DRC9: variants seen among roughly 807,000 people sequenced by gnomAD.
The protein encoded by DRC9 is dynein regulatory complex subunit 9.
At chr3:197,907,788 A>C in the DRC9 span, among the ~76,000 whole-genome samples, 46 of 139,286 alleles carry the variant, frequency 3.3e-4, no homozygotes, top group East Asian at 1.1e-3. Flanking sequence ...AACCCTTTCC[A>C]AGGCATCCTC....
chr3:197,918,771 C>T, the DRC9 span, among the ~76,000 whole-genome samples: 7 of 152,076 alleles, frequency 4.6e-5, no homozygotes, highest in Non-Finnish European at 1.0e-4. Flanking sequence ...TTAGCTTCTG[C>T]CCATGGTAAA....
the DRC9 span, among the ~76,000 whole-genome samples, chr3:197,915,320 G>T: frequency 1.3e-5 from 2 of 151,208 alleles, no homozygotes; most frequent in Non-Finnish European, 2.9e-5. Flanking sequence ...CTGAAAGAAA[G>T]CTCCGGAGGC....
At chr3:197,926,900 A>G in the DRC9 span, among the ~76,000 whole-genome samples, 5 of 152,150 alleles carry the variant, frequency 3.3e-5, no homozygotes, top group Non-Finnish European at 5.9e-5. Context: ...AAATCTTTGC[A>G]TGAATAATTC....
At chr3:197,949,985 C>A in the DRC9 span, 2 of 560,570 alleles carry the variant, frequency 3.6e-6, no homozygotes, top group South Asian at 9.0e-5. Context: ...ATTTTGCCTT[C>A]CCTTGTTCCC....
chr3:197,919,495 G>A, the DRC9 span, among the ~76,000 whole-genome samples: 18 of 152,278 alleles, frequency 1.2e-4, no homozygotes, highest in South Asian at 3.1e-3. Flanking sequence ...AACCTTCCTC[G>A]TGGTCAGGTC....
At chr3:197,933,988 A>G in the DRC9 span, among the ~76,000 whole-genome samples, 1 of 150,540 alleles carries the variant, frequency 6.6e-6, no homozygotes, top group Non-Finnish European at 1.5e-5. Flanking sequence ...AAAAAAAAAA[A>G]AAAAAAGAAG....
chr3:197,914,196 A>G, the DRC9 span, among the ~76,000 whole-genome samples: 5 of 152,354 alleles, frequency 3.3e-5, no homozygotes, highest in Non-Finnish European at 5.9e-5. Flanking sequence ...GCCAACAATC[A>G]TGAAGTGTAT....
chr3:197,891,016 CTA>C, the DRC9 span, among the ~76,000 whole-genome samples: 1 of 152,184 alleles, frequency 6.6e-6, no homozygotes, highest in African/African-American at 2.4e-5. Context: ...TAAAATATCT[CTA>C]TTTTTTTCTA....
At chr3:197,933,984 A>C in the DRC9 span, among the ~76,000 whole-genome samples, 1 of 150,156 alleles carries the variant, frequency 6.7e-6, no homozygotes, top group African/African-American at 2.4e-5. Flanking sequence ...CTAAAAAAAA[A>C]AAAAAAAAAA....
the DRC9 span, chr3:197,954,197 C>T: frequency 6.2e-7 from 1 of 1,601,658 alleles, no homozygotes; most frequent in Non-Finnish European, 8.5e-7. Flanking sequence ...AGACTAGGTT[C>T]AAGGTGTTGT....
chr3:197,907,143 C>G, the DRC9 span, among the ~76,000 whole-genome samples: 1 of 152,158 alleles, frequency 6.6e-6, no homozygotes. Flanking sequence ...TAGGGTCACA[C>G]CTGCCTATGT....
At chr3:197,920,947 T>C in the DRC9 span, among the ~76,000 whole-genome samples, 1 of 152,260 alleles carries the variant, frequency 6.6e-6, no homozygotes, top group Non-Finnish European at 1.5e-5. Flanking sequence ...GTTGGCATCA[T>C]TTTCTGACCC....
chr3:197,954,217 T>C, the DRC9 span: 1 of 1,520,158 alleles, frequency 6.6e-7, no homozygotes, highest in South Asian at 1.1e-5. Flanking sequence ...TGCTTTGACT[T>C]CTGAGGACTT....
the DRC9 span, chr3:197,960,066 A>T: frequency 1.6e-6 from 1 of 631,510 alleles, no homozygotes; most frequent in Non-Finnish European, 2.7e-6. Context: ...GCGCCACGAG[A>T]CGCGATGGAC....
At chr3:197,942,024 T>C in the DRC9 span, among the ~76,000 whole-genome samples, 1 of 152,120 alleles carries the variant, frequency 6.6e-6, no homozygotes, top group Non-Finnish European at 1.5e-5. Flanking sequence ...ATTATACAAT[T>C]CCTGTGATAC....
the DRC9 span, among the ~76,000 whole-genome samples, chr3:197,907,260 T>G: frequency 3.3e-5 from 5 of 152,192 alleles, no homozygotes; most frequent in African/African-American, 1.2e-4. Context: ...TGGTTAGGAA[T>G]GGGTGCTTGG....
chr3:197,928,355 T>G, the DRC9 span, among the ~76,000 whole-genome samples: 2 of 151,196 alleles, frequency 1.3e-5, no homozygotes, highest in African/African-American at 2.4e-5. Context: ...TTTTTTTTTT[T>G]TTTGTTTTTT....
chr3:197,893,405 G>T, the DRC9 span, among the ~76,000 whole-genome samples: 1 of 149,034 alleles, frequency 6.7e-6, no homozygotes, highest in South Asian at 2.1e-4. Context: ...TAATCTAGAT[G>T]TCTGGATAAG....
chr3:197,947,928 CTTTTTTTT>C, the DRC9 span, among the ~76,000 whole-genome samples: 2 of 96,770 alleles, frequency 2.1e-5, no homozygotes, highest in African/African-American at 4.2e-5. Context: ...CCTGCTTTAC[CTTTTTTTT>C]TTTTTTTTTT....
Sources: allele counts gnomAD v4.1 joint callset (sites outside exome capture counted in the v4.1 genomes callset), GRCh38; gene constraint gnomAD v4.1.1; transcripts MANE v1.5; gene names NCBI Gene and HGNC (gene_info 2026-07-23, HGNC 2026-07-21).